LRMDA: variants seen among roughly 807,000 people sequenced by gnomAD.
LRMDA encodes the protein leucine rich melanocyte differentiation associated.
Under a neutral mutation model 29.8 loss-of-function variants are expected in LRMDA, and 18 were observed. That is an observed-to-expected ratio of 0.60 (90% CI 0.42 to 0.90). The LOEUF (loss-of-function observed/expected upper bound fraction) is 0.90, where lower values mean the gene tolerates loss of function less well. Ranked by LOEUF, LRMDA falls within the 40% of genes least tolerant of loss-of-function variation. LRMDA has a pLI of 0.00. For missense variants in LRMDA, 273 were observed against 273.9 expected (o/e 1.00, Z 0.02); for synonymous variants, 125 against 109.4 (o/e 1.14, Z -0.89).
chr10:76,083,924 A>C (rs1043865067), intron 5 of LRMDA, among the ~76,000 whole-genome samples: 3 of 151,742 alleles, frequency 2.0e-5, no homozygotes, highest in Admixed American at 2.0e-4. Context: ...AGCTCATTTG[A>C]CCATGAACCC....
intron 2 of LRMDA, among the ~76,000 whole-genome samples, chr10:75,735,332 G>A (rs536608926): frequency 2.6e-5 from 4 of 152,270 alleles, no homozygotes; most frequent in African/African-American, 9.6e-5. Context: ...GAGAAGTAGA[G>A]GGTGGCAGAC....
intron 6 of LRMDA, among the ~76,000 whole-genome samples, chr10:76,514,098 G>C (rs1843036241): frequency 6.6e-6 from 1 of 152,162 alleles, no homozygotes; most frequent in Non-Finnish European, 1.5e-5. Context: ...TGAGACATAT[G>C]ACCTAGGGCA....
At chr10:76,273,482 T>G (rs1840092400) in intron 5 of LRMDA, among the ~76,000 whole-genome samples, 1 of 152,230 alleles carries the variant, frequency 6.6e-6, no homozygotes, top group Admixed American at 6.5e-5. Flanking sequence ...CGTTGCCTTT[T>G]TTACTATTTT....
At chr10:76,373,889 C>T (rs1841485467) in intron 6 of LRMDA, among the ~76,000 whole-genome samples, 1 of 152,176 alleles carries the variant, frequency 6.6e-6, no homozygotes, top group African/African-American at 2.4e-5. Context: ...GGCTTTAGTA[C>T]TCAGAGTCCC....
At chr10:75,895,132 C>CCTTT (rs1845561046) in intron 2 of LRMDA, among the ~76,000 whole-genome samples, 1 of 152,132 alleles carries the variant, frequency 6.6e-6, no homozygotes, top group Non-Finnish European at 1.5e-5. Flanking sequence ...TTACCACCAT[C>CCTTT]CTTTATGTGA....
At chr10:76,476,673 C>A (rs1343184422) in intron 6 of LRMDA, among the ~76,000 whole-genome samples, 2 of 152,128 alleles carry the variant, frequency 1.3e-5, no homozygotes, top group Admixed American at 6.6e-5. Context: ...CAAACTGAAT[C>A]CAGCAGCACA....
intron 2 of LRMDA, among the ~76,000 whole-genome samples, chr10:75,800,334 T>C (rs1843726548): frequency 6.6e-6 from 1 of 152,198 alleles, no homozygotes; most frequent in South Asian, 2.1e-4. Flanking sequence ...ATATATATTT[T>C]ATCCTATTAC....
At chr10:76,016,689 G>A (rs1034986457) in intron 2 of LRMDA, among the ~76,000 whole-genome samples, 2 of 152,202 alleles carry the variant, frequency 1.3e-5, no homozygotes, top group African/African-American at 4.8e-5. Flanking sequence ...GGATTCAAGT[G>A]TGAACTTCAG....
chr10:76,554,404 T>C (rs1286343697), intron 6 of LRMDA, among the ~76,000 whole-genome samples: 1 of 152,186 alleles, frequency 6.6e-6, no homozygotes, highest in African/African-American at 2.4e-5. Context: ...TTGTTTGAAG[T>C]CTGCCCTTTT....
At chr10:75,795,925 C>T (rs78606714) in intron 2 of LRMDA, among the ~76,000 whole-genome samples, 2,047 of 152,128 alleles carry the variant, frequency 0.013, 54 homozygotes, top group African/African-American at 0.047. Flanking sequence ...AGGTCTTGTA[C>T]AACTTTAGTT....
chr10:76,080,028 T>A (rs1371767661), intron 5 of LRMDA, among the ~76,000 whole-genome samples: 2 of 152,184 alleles, frequency 1.3e-5, no homozygotes. Context: ...TCAGTTTAAC[T>A]AGATCAGTGT....
chr10:76,240,874 G>GCA (rs577097678), intron 5 of LRMDA, among the ~76,000 whole-genome samples: 5 of 138,738 alleles, frequency 3.6e-5, no homozygotes, highest in Non-Finnish European at 7.9e-5. Flanking sequence ...ATATATATAC[G>GCA]CACACACACA....
At chr10:76,518,773 G>T (rs1419901716) in intron 6 of LRMDA, among the ~76,000 whole-genome samples, 1 of 152,024 alleles carries the variant, frequency 6.6e-6, no homozygotes, top group African/African-American at 2.4e-5. Context: ...TTTCAATTGT[G>T]ATAGCTCAAA....
chr10:76,196,188 G>A (rs1851329005), intron 5 of LRMDA, among the ~76,000 whole-genome samples: 1 of 152,190 alleles, frequency 6.6e-6, no homozygotes, highest in African/African-American at 2.4e-5. Flanking sequence ...TGAATTAACA[G>A]GAAGTGAAAC....
intron 5 of LRMDA, among the ~76,000 whole-genome samples, chr10:76,134,976 C>T (rs569968294): frequency 6.6e-5 from 10 of 152,120 alleles, no homozygotes; most frequent in Non-Finnish European, 8.8e-5. Flanking sequence ...AATATTTCTG[C>T]GGCCTTTGAA....
At chr10:76,359,098 T>C (rs962240394) in intron 6 of LRMDA, among the ~76,000 whole-genome samples, 35 of 152,262 alleles carry the variant, frequency 2.3e-4, no homozygotes, top group Admixed American at 2.2e-3. Context: ...ACAGTGCAGG[T>C]CACCCATGGA....
At chr10:76,227,235 G>A (rs1340066944) in intron 5 of LRMDA, among the ~76,000 whole-genome samples, 2 of 152,174 alleles carry the variant, frequency 1.3e-5, no homozygotes, top group Admixed American at 6.5e-5. Context: ...TGGATTCAAA[G>A]TCTACCCAAT....
At chr10:75,485,328 T>G (rs962947477) in intron 2 of LRMDA, among the ~76,000 whole-genome samples, 4 of 152,174 alleles carry the variant, frequency 2.6e-5, no homozygotes, top group African/African-American at 9.7e-5. Flanking sequence ...TACTTTCTGC[T>G]CTTTTCCTTG....
Position 75,563,761 on chromosome 10 carries a change from A to C in LRMDA, c.131+125267A>C, listed in dbSNP as rs1022516524. ...TTTCCTTCTAACAGACAGGACCCTC[A>C]GCTGCAGGTCTGTTGGAGTTTGCTA... On this transcript the variant is annotated intron_variant, in intron 2 of 6. Coordinates refer to ENST00000611255, the MANE Select transcript of LRMDA (RefSeq NM_001305581.2). Among the ~76,000 whole-genome samples, 3 of 152,100 alleles carry C rather than the reference A, an allele frequency of 2.0e-5. No individual in the cohort carries two copies. In the East Asian group the frequency reaches 5.8e-4, roughly 29 times the overall value.
Sources: allele counts gnomAD v4.1 joint callset (sites outside exome capture counted in the v4.1 genomes callset), GRCh38; gene constraint gnomAD v4.1.1; transcripts MANE v1.5; gene names NCBI Gene and HGNC (gene_info 2026-07-23, HGNC 2026-07-21).